The following KANK4 variants were observed in gnomAD, a reference collection of about 807,000 sequenced individuals.
The protein encoded by KANK4 is KN motif and ankyrin repeat domain-containing protein 4.
KANK4 carries 50 observed loss-of-function variants against 80.8 expected under a neutral mutation model. The ratio of observed to expected loss-of-function variants is 0.62; its 90% CI spans 0.49 to 0.78. KANK4 has a LOEUF of 0.78. Among genes scored for constraint, KANK4 ranks in the 30% least tolerant of loss-of-function variants. The pLI, the probability that KANK4 is intolerant of heterozygous loss-of-function variation, is 0.00. For synonymous variants in KANK4, 465 were observed against 506.9 expected (o/e 0.92, Z 1.11); for missense variants, 1,196 against 1,240.1 (o/e 0.96, Z 0.53).
intron 1 of KANK4, among the ~76,000 whole-genome samples, chr1:62,292,053 C>T (rs1471377856): frequency 6.6e-6 from 1 of 152,188 alleles, no homozygotes; most frequent in Non-Finnish European, 1.5e-5. Context: ...CTCCACTCCC[C>T]ATTCCCTCCC....
intron 2 of KANK4, among the ~76,000 whole-genome samples, 168 bp downstream of exon 2, chr1:62,281,381 G>T (rs1672447457): frequency 6.6e-6 from 1 of 152,160 alleles, no homozygotes; most frequent in Non-Finnish European, 1.5e-5. Context: ...CTAGGCTAGG[G>T]CTGGAGATAC....
At chr1:62,305,378 G>C (rs1330142740) in intron 1 of KANK4, among the ~76,000 whole-genome samples, 1 of 152,014 alleles carries the variant, frequency 6.6e-6, no homozygotes, top group African/African-American at 2.4e-5. Flanking sequence ...GCGTGATCTC[G>C]GCTCACTGCA....
rs771047971 is a variant in KANK4, at chr1:62,273,203, C to T, written c.1900+1G>A. On this transcript the variant is annotated splice_donor_variant, in intron 3 of 9. Coordinates refer to ENST00000371153, the MANE Select transcript of KANK4 (RefSeq NM_181712.5). LOFTEE classifies it high-confidence loss of function. ...CAGGCCCCTATATTGATGGTATTTA[C>T]CCACTGGCGGGGAGGAGGAGGAGGC... 8 of 1,509,608 alleles carry T rather than the reference C, an allele frequency of 5.3e-6. No homozygotes were observed. The East Asian group carries it at 1.1e-4, about 22-fold the overall frequency. 93.5% of individuals were successfully genotyped at this position (1,509,608 alleles called of 1,614,324 possible).
Position 62,274,261 on chromosome 1 carries a change from G to C in KANK4, c.843C>G (p.Ser281=). The C allele has an allele frequency of 6.2e-7, 1 of 1,614,006 alleles. No homozygotes were observed. The highest frequency in any genetic ancestry group is 8.5e-7 in the Non-Finnish European group (1 of 1,179,938). The change falls in exon 3 of 10, where the codon TCC becomes TCG. Residue 281 remains serine, a synonymous_variant. Transcript: ENST00000371153. The part of the protein sequence containing the change: ...REAEVLFTPG[S]PTPSPPPLPS... The stretch of plus-strand genomic sequence containing the variant: ...GCAGAGGTGGCGGGCTTGGCGTAGG[G>C]GAGCCAGGGGTGAACAACACCTCTG...
At chr1:62,239,774 C>A (rs1462664000) in intron 9 of KANK4, among the ~76,000 whole-genome samples, 1 of 152,106 alleles carries the variant, frequency 6.6e-6, no homozygotes, top group Non-Finnish European at 1.5e-5. Flanking sequence ...GTTTGGTTTT[C>A]TTTCCTTGCG....
chr1:62,309,756 G>A (rs997906355), intron 1 of KANK4, among the ~76,000 whole-genome samples: 6 of 152,114 alleles, frequency 3.9e-5, no homozygotes, highest in Admixed American at 6.5e-5. Context: ...ACTCTTCCAC[G>A]GGCCACACTG....
chr1:62,259,032 A>T (rs886362642), intron 7 of KANK4, among the ~76,000 whole-genome samples: 1 of 152,080 alleles, frequency 6.6e-6, no homozygotes, highest in African/African-American at 2.4e-5. Flanking sequence ...CGGCCCAGGC[A>T]GGTGGGAGCC....
chr1:62,239,010 C>T (rs1295281635), intron 9 of KANK4, among the ~76,000 whole-genome samples: 1 of 151,600 alleles, frequency 6.6e-6, no homozygotes, highest in African/African-American at 2.4e-5. Flanking sequence ...AGTGAAAGTT[C>T]GCATTTTGGT....
At chr1:62,288,732 G>A (rs941294680) in intron 1 of KANK4, among the ~76,000 whole-genome samples, 1 of 152,084 alleles carries the variant, frequency 6.6e-6, no homozygotes, top group Non-Finnish European at 1.5e-5. Context: ...GCTCCTTGGA[G>A]GGAAAAAAGG....
rs1672254440 is a variant in KANK4 at position 62,274,405 on chromosome 1, C to T, written c.699G>A (p.Glu233=). ...RIPELVQEGA[E]PPEGVVKVPN... ...GAACCTTCACCACACCCTCTGGAGG[C>T]TCAGCTCCCTCCTGGACCAGCTCTG... Residue 233 remains glutamate (E), a synonymous_variant, in exon 3 of 10, where the codon GAG becomes GAA. Coordinates refer to ENST00000371153, the MANE Select transcript of KANK4 (RefSeq NM_181712.5). 6.2e-7 allele frequency: 1 copy of T among 1,614,090 alleles called. No individual in the cohort carries two copies. The highest frequency in any genetic ancestry group is 8.5e-7 in the Non-Finnish European group (1 of 1,180,038).
intron 7 of KANK4, among the ~76,000 whole-genome samples, chr1:62,256,630 A>C (rs1671758647): frequency 6.6e-6 from 1 of 151,840 alleles, no homozygotes; most frequent in South Asian, 2.1e-4. Flanking sequence ...TGATCCGCGC[A>C]CCTCGGCCTC....
intron 1 of KANK4, among the ~76,000 whole-genome samples, chr1:62,310,197 T>C (rs1644487131): frequency 6.6e-6 from 1 of 152,184 alleles, no homozygotes; most frequent in East Asian, 1.9e-4. Context: ...CTCAGCTCAG[T>C]CATTCAATCC....
At chr1:62,294,910 G>A (rs1299127187) in intron 1 of KANK4, among the ~76,000 whole-genome samples, 1 of 152,228 alleles carries the variant, frequency 6.6e-6, no homozygotes, top group Non-Finnish European at 1.5e-5. Context: ...TGAAAGAGAT[G>A]GGATTCCTTC....
chr1:62,302,604 T>C (rs946026964), intron 1 of KANK4, among the ~76,000 whole-genome samples: 5 of 151,894 alleles, frequency 3.3e-5, no homozygotes, highest in African/African-American at 1.2e-4. Flanking sequence ...AATGTCCTCA[T>C]AAAAAAGTCC....
intron 8 of KANK4, among the ~76,000 whole-genome samples, chr1:62,250,881 C>T (rs549886106): frequency 7.9e-5 from 12 of 152,300 alleles, no homozygotes; most frequent in South Asian, 2.1e-4. Context: ...AAGTATGCAA[C>T]GGTGACTTTG....
intron 9 of KANK4, among the ~76,000 whole-genome samples, chr1:62,244,199 ATT>A (rs370676636): frequency 1.0e-4 from 14 of 138,006 alleles, no homozygotes; most frequent in Admixed American, 7.2e-5. Flanking sequence ...TTTATTTTTT[ATT>A]TTTTTTTTTT....
intron 1 of KANK4, among the ~76,000 whole-genome samples, chr1:62,310,689 T>C (rs1446687498): frequency 6.6e-6 from 1 of 151,930 alleles, no homozygotes; most frequent in Non-Finnish European, 1.5e-5. Flanking sequence ...CTATGATGAG[T>C]AGTGCCTGCT....
chr1:62,279,103 TC>T (rs1045563892), intron 2 of KANK4, among the ~76,000 whole-genome samples: 1 of 152,048 alleles, frequency 6.6e-6, no homozygotes, highest in African/African-American at 2.4e-5. Flanking sequence ...GGCAGAATCC[TC>T]CACAAGGGAG....
chr1:62,254,024 TG>T (rs1235630797), intron 7 of KANK4, among the ~76,000 whole-genome samples: 3 of 152,152 alleles, frequency 2.0e-5, no homozygotes, highest in African/African-American at 4.8e-5. Flanking sequence ...CACGTTTGTG[TG>T]TAACAAACTA....
Sources: gnomAD v4.1 joint callset for allele counts (sites outside exome capture counted in the v4.1 genomes callset) on GRCh38, gnomAD v4.1.1 for gene constraint, MANE v1.5 for transcripts, NCBI Gene and HGNC (gene_info 2026-07-23, HGNC 2026-07-21) for gene names.